The following HECW2 variants were observed in gnomAD, a reference collection of about 807,000 sequenced individuals.
HECW2 encodes the protein HECT, C2 and WW domain containing E3 ubiquitin protein ligase 2.
In HECW2, 61 loss-of-function variants were observed where a neutral mutation model predicts 175.2. The observed-to-expected ratio is 0.35, with a 90% CI of 0.28 to 0.43. The LOEUF (loss-of-function observed/expected upper bound fraction) is 0.43. HECW2 is among the 20% of genes least tolerant of loss of function. HECW2 has a pLI of 1.00. For synonymous variants in HECW2, 671 were observed against 731.0 expected (o/e 0.92, Z 1.32); for missense variants, 1,524 against 2,000.5 (o/e 0.76, Z 4.54).
intron 2 of HECW2, among the ~76,000 whole-genome samples, chr2:196,382,033 A>T (rs1694219841): frequency 6.6e-6 from 1 of 152,198 alleles, no homozygotes; most frequent in Admixed American, 6.5e-5. Flanking sequence ...CACATATATA[A>T]GAATGGGACT....
At chr2:196,226,883 T>C (rs989193390) in intron 22 of HECW2, among the ~76,000 whole-genome samples, 2 of 152,244 alleles carry the variant, frequency 1.3e-5, no homozygotes, top group Non-Finnish European at 2.9e-5. Flanking sequence ...CTCAATTCTA[T>C]TCTGAATCAC....
At chr2:196,537,725 C>T (rs1240821667) in intron 1 of HECW2, among the ~76,000 whole-genome samples, 1 of 152,204 alleles carries the variant, frequency 6.6e-6, no homozygotes, top group Admixed American at 6.5e-5. Context: ...ATCATGTTTA[C>T]TAAACAGACC....
intron 16 of HECW2, 149 bp downstream of exon 16, chr2:196,273,872 T>C (rs1437270517): frequency 1.8e-6 from 1 of 569,942 alleles, no homozygotes; most frequent in Non-Finnish European, 3.1e-6. Flanking sequence ...TCTGTAGGAT[T>C]TTGTTATACA....
At chr2:196,275,704 A>G (rs992848554) in intron 15 of HECW2, among the ~76,000 whole-genome samples, 2 of 151,866 alleles carry the variant, frequency 1.3e-5, no homozygotes, top group African/African-American at 4.8e-5. Context: ...GTGAGCAAAG[A>G]TCGCACCACT....
chr2:196,363,492 G>T (rs1294698862), intron 2 of HECW2, among the ~76,000 whole-genome samples: 1 of 152,114 alleles, frequency 6.6e-6, no homozygotes, highest in African/African-American at 2.4e-5. Flanking sequence ...AATTTAGGTG[G>T]CCAATGGGTC....
chr2:196,397,037 G>A (rs540905416), intron 2 of HECW2, among the ~76,000 whole-genome samples: 15 of 152,212 alleles, frequency 9.9e-5, no homozygotes, highest in South Asian at 2.1e-4. Context: ...GAGTGAACCC[G>A]GGAGGCGGAG....
intron 2 of HECW2, among the ~76,000 whole-genome samples, chr2:196,416,427 T>C (rs1170440295): frequency 1.3e-5 from 2 of 152,224 alleles, no homozygotes; most frequent in Admixed American, 1.3e-4. Flanking sequence ...ACAGTATTGG[T>C]GAGATATTTT....
intron 18 of HECW2, among the ~76,000 whole-genome samples, chr2:196,256,872 G>A (rs1222272575): frequency 1.3e-5 from 2 of 152,226 alleles, no homozygotes; most frequent in African/African-American, 4.8e-5. Context: ...TCTATAGAAA[G>A]TGAATATATC....
At chr2:196,387,499 T>C (rs1015586215) in intron 2 of HECW2, among the ~76,000 whole-genome samples, 4 of 152,190 alleles carry the variant, frequency 2.6e-5, no homozygotes, top group Non-Finnish European at 4.4e-5. Context: ...GGCACCTTGA[T>C]CTTGCACTTC....
At chr2:196,342,407 GAA>G (rs1166917244) in intron 3 of HECW2, among the ~76,000 whole-genome samples, 5 of 58,408 alleles carry the variant, frequency 8.6e-5, no homozygotes, top group Admixed American at 1.8e-4. Flanking sequence ...TCCGTTTCAA[GAA>G]AAAAAAAAAA....
chr2:196,218,213 GC>G (rs1420601349), intron 26 of HECW2: 1 of 152,152 alleles, frequency 6.6e-6, no homozygotes, highest in African/African-American at 2.4e-5. Context: ...CTTCCCTTTT[GC>G]TATTTGTGCC....
At chr2:196,554,380 G>T (rs1689724089) in intron 1 of HECW2, among the ~76,000 whole-genome samples, 1 of 152,200 alleles carries the variant, frequency 6.6e-6, no homozygotes, top group African/African-American at 2.4e-5. Context: ...TGTGACTTAG[G>T]CTCACTGGCT....
At chr2:196,587,240 C>T (rs558161984) in intron 1 of HECW2, among the ~76,000 whole-genome samples, 12 of 152,286 alleles carry the variant, frequency 7.9e-5, no homozygotes, top group African/African-American at 2.2e-4. Flanking sequence ...GTGCTTTGTT[C>T]GAAAATGACA....
chr2:196,236,228 C>T (rs1688248234), intron 21 of HECW2, among the ~76,000 whole-genome samples: 1 of 152,128 alleles, frequency 6.6e-6, no homozygotes, highest in Non-Finnish European at 1.5e-5. Flanking sequence ...CAGACAGAGG[C>T]ATATACATAC....
At chr2:196,503,373 G>A (rs1293862737) in intron 1 of HECW2, among the ~76,000 whole-genome samples, 2 of 152,190 alleles carry the variant, frequency 1.3e-5, no homozygotes, top group African/African-American at 4.8e-5. Context: ...ATAGAAGAGG[G>A]CCAGAGAAAG....
intron 3 of HECW2, among the ~76,000 whole-genome samples, chr2:196,340,818 TCA>T (rs985119410): frequency 6.6e-6 from 1 of 151,962 alleles, no homozygotes; most frequent in African/African-American, 2.4e-5. Context: ...ACTACATTTC[TCA>T]GTCTTTAAAA....
At chr2:196,511,979 G>A (rs927494661) in intron 1 of HECW2, among the ~76,000 whole-genome samples, 1 of 152,220 alleles carries the variant, frequency 6.6e-6, no homozygotes, top group African/African-American at 2.4e-5. Context: ...ACTGAGGTCT[G>A]CTCACTGCAT....
intron 2 of HECW2, among the ~76,000 whole-genome samples, chr2:196,427,716 T>C (rs2125258607): frequency 6.6e-6 from 1 of 152,270 alleles, no homozygotes; most frequent in African/African-American, 2.4e-5. Context: ...GCAAACCATC[T>C]GCAAGGGATT....
Position 196,413,286 on chromosome 2 carries a change from G to A in HECW2, c.292+19846C>T, listed in dbSNP as rs192045981. Among the ~76,000 whole-genome samples the A allele has an allele frequency of 1.3e-4, 20 of 152,216 alleles. 1 individual carries two copies. The East Asian group carries it at 3.5e-3, about 26-fold the overall frequency. On this transcript the variant is annotated intron_variant, in intron 2 of 28. Transcript: ENST00000644978. Reference sequence around the variant, plus strand: ...GGGAGGATCGCTTGAGCACAGGAGCGTGAGGTAACAGTGAGCTATGATTGT... The same window carrying A: ...GGGAGGATCGCTTGAGCACAGGAGCATGAGGTAACAGTGAGCTATGATTGT...
Sources: allele counts gnomAD v4.1 joint callset (sites outside exome capture counted in the v4.1 genomes callset), GRCh38; gene constraint gnomAD v4.1.1; transcripts MANE v1.5; gene names NCBI Gene and HGNC (gene_info 2026-07-23, HGNC 2026-07-21).